The following ANKS1B variants were observed in gnomAD, a reference collection of about 807,000 sequenced individuals.
ANKS1B encodes the protein ankyrin repeat and sterile alpha motif domain-containing protein 1B.
ANKS1B carries 36 observed loss-of-function variants against 148.3 expected under a neutral mutation model. That is an observed-to-expected ratio of 0.24 (90% CI 0.19 to 0.32). ANKS1B has a LOEUF of 0.32. ANKS1B is among the 10% of genes least tolerant of loss of function. ANKS1B has a pLI of 1.00. For missense variants in ANKS1B, 1,157 were observed against 1,542.6 expected, an observed-to-expected ratio of 0.75 and a Z score of 4.19; for synonymous variants, 542 against 560.8, an observed-to-expected ratio of 0.97 and a Z score of 0.47.
intron 17 of ANKS1B, among the ~76,000 whole-genome samples, chr12:98,856,730 G>C (rs1248906097): frequency 6.6e-6 from 1 of 152,138 alleles, no homozygotes; most frequent in East Asian, 1.9e-4. Flanking sequence ...TAACCTCTGG[G>C]AGCCTAGGAG....
At chr12:99,602,233 T>C (rs2153291815) in intron 9 of ANKS1B, among the ~76,000 whole-genome samples, 1 of 152,014 alleles carries the variant, frequency 6.6e-6, no homozygotes, top group Admixed American at 6.6e-5. Context: ...AGTTTAACAG[T>C]AAAAAAATTG....
chr12:99,058,783 G>A (rs1387659091), intron 16 of ANKS1B, among the ~76,000 whole-genome samples: 1 of 135,170 alleles, frequency 7.4e-6, no homozygotes, highest in African/African-American at 2.8e-5. Context: ...TGTCGCCCAG[G>A]CTGGAGTGCA....
At chr12:99,265,055 A>G (rs1265785651) in intron 12 of ANKS1B, among the ~76,000 whole-genome samples, 1 of 152,194 alleles carries the variant, frequency 6.6e-6, no homozygotes, top group Non-Finnish European at 1.5e-5. Flanking sequence ...TGCACTTGAC[A>G]TGTAGCTGGT....
chr12:99,549,116 C>A (rs1289848982), intron 9 of ANKS1B, among the ~76,000 whole-genome samples: 1 of 151,894 alleles, frequency 6.6e-6, no homozygotes, highest in Non-Finnish European at 1.5e-5. Flanking sequence ...AAGAAGAAAC[C>A]GAAACTCTAG....
At chr12:99,566,202 G>A (rs191916348) in intron 9 of ANKS1B, among the ~76,000 whole-genome samples, 1 of 152,224 alleles carries the variant, frequency 6.6e-6, no homozygotes, top group East Asian at 1.9e-4. Context: ...TCTTTAACAT[G>A]TCTTCCTTCA....
rs143266456 is a variant in ANKS1B, at chr12:98,967,730, G to A, written c.2778+85427C>T. The stretch of plus-strand genomic sequence containing the variant: ...AAAGAGATCAGCCAATAAAAAGGTA[G>A]ATTTTGGAGACAGACAAATCTAAAA... On this transcript the variant is annotated intron_variant, in intron 17 of 26. Transcript: ENST00000683438. Among the ~76,000 whole-genome samples, 321 of 131,080 alleles carry A rather than the reference G, an allele frequency of 2.4e-3. 2 individuals carry two copies. The highest frequency in any genetic ancestry group is 8.5e-3 in the African/African-American group (293 of 34,526). The allele number at this position is 131,080 out of a possible 152,430, so 86.0% of individuals were successfully genotyped here.
rs570562423 is a variant in ANKS1B, at chr12:98,904,711, C to T, written c.2779-72575G>A. On this transcript the variant is annotated intron_variant, in intron 17 of 26. Transcript: ENST00000683438. ...GAGCCACAGGGGATGGGAGTCTGAC[C>T]GTGAGGTCCAGGAACCAAAGAGAAG... Among the ~76,000 whole-genome samples, 44 of 152,226 alleles carry T rather than the reference C, an allele frequency of 2.9e-4. 1 individual carries two copies. Among genetic ancestry groups the T allele is most frequent in the East Asian group, 2.1e-3 (11 of 5,164 alleles).
intron 14 of ANKS1B, among the ~76,000 whole-genome samples, chr12:99,205,725 G>A (rs573703662): frequency 5.2e-4 from 79 of 152,268 alleles, no homozygotes; most frequent in African/African-American, 1.9e-3. Context: ...GCTCTGAGAA[G>A]GTGCTTGACC....
chr12:99,977,898 C>A (rs969398079), intron 1 of ANKS1B, among the ~76,000 whole-genome samples: 11 of 152,170 alleles, frequency 7.2e-5, no homozygotes, highest in Non-Finnish European at 1.6e-4. Context: ...TAACATCATT[C>A]TGCAATATGT....
At position 98,995,310 on chromosome 12, in the gene ANKS1B, G is replaced by T. The variant is rs182058207; in HGVS notation, c.2778+57847C>A. On this transcript the variant is annotated intron_variant, in intron 17 of 26. Coordinates refer to ENST00000683438, the MANE Select transcript of ANKS1B (RefSeq NM_001352186.2). Reference sequence around the variant, plus strand: ...CCTAATTTTAAAAATATGGAAGCTGGCCAGGCATGGTGGTTCACGCCTGTA... The same window carrying T: ...CCTAATTTTAAAAATATGGAAGCTGTCCAGGCATGGTGGTTCACGCCTGTA... 1.6e-4 allele frequency among the ~76,000 whole-genome samples: 24 copies of T among 152,212 alleles called. No individual in the cohort carries two copies. The East Asian group carries it at 4.1e-3, about 26-fold the overall frequency.
chr12:99,322,105 C>T (rs778900735), intron 12 of ANKS1B, among the ~76,000 whole-genome samples: 3 of 152,080 alleles, frequency 2.0e-5, no homozygotes, highest in East Asian at 3.9e-4. Context: ...ATGGAACCAA[C>T]CCAAATGCCC....
chr12:99,592,726 C>T (rs182356347), intron 9 of ANKS1B, among the ~76,000 whole-genome samples: 7 of 152,158 alleles, frequency 4.6e-5, no homozygotes, highest in Non-Finnish European at 8.8e-5. Context: ...GAGCCAAATA[C>T]GAGTGAGCAA....
chr12:98,886,041 G>T (rs2099739309), intron 17 of ANKS1B, among the ~76,000 whole-genome samples: 1 of 151,836 alleles, frequency 6.6e-6, no homozygotes. Context: ...GAGGGAGGGA[G>T]GGAGAGAGAG....
At chr12:99,447,659 A>G (rs1186929592) in intron 10 of ANKS1B, among the ~76,000 whole-genome samples, 3 of 152,126 alleles carry the variant, frequency 2.0e-5, no homozygotes, top group African/African-American at 7.2e-5. Flanking sequence ...GAAGAGAGTG[A>G]AGAAACAATT....
chr12:99,282,867 T>C (rs1480163919), intron 12 of ANKS1B, among the ~76,000 whole-genome samples: 1 of 152,110 alleles, frequency 6.6e-6, no homozygotes, highest in Non-Finnish European at 1.5e-5. Context: ...AATAGTCAAG[T>C]AGGCAGCTGA....
chr12:99,758,861 C>A (rs2061818246), intron 8 of ANKS1B, among the ~76,000 whole-genome samples: 1 of 151,736 alleles, frequency 6.6e-6, no homozygotes. Flanking sequence ...GAGAAAGGGG[C>A]ACCAGGCTAG....
At chr12:99,928,784 A>G (rs184157886) in intron 1 of ANKS1B, among the ~76,000 whole-genome samples, 1 of 152,126 alleles carries the variant, frequency 6.6e-6, no homozygotes, top group African/African-American at 2.4e-5. Flanking sequence ...AAGGGTATAA[A>G]CCCTCTCAGG....
At chr12:99,089,062 T>TGATC (rs1565996636) in intron 15 of ANKS1B, among the ~76,000 whole-genome samples, 3 of 151,956 alleles carry the variant, frequency 2.0e-5, no homozygotes, top group African/African-American at 7.2e-5. Flanking sequence ...TGACCTCAGG[T>TGATC]GATCCATCTG....
intron 15 of ANKS1B, among the ~76,000 whole-genome samples, chr12:99,106,779 CAAA>C (rs1230410753): frequency 1.3e-5 from 2 of 152,132 alleles, no homozygotes; most frequent in Non-Finnish European, 2.9e-5. Context: ...TATTGTGCTT[CAAA>C]AAAGTTGTCT....
Sources: allele counts gnomAD v4.1 joint callset (sites outside exome capture counted in the v4.1 genomes callset), GRCh38; gene constraint gnomAD v4.1.1; transcripts MANE v1.5; gene names NCBI Gene and HGNC (gene_info 2026-07-23, HGNC 2026-07-21).